FOXO3: variants seen among roughly 807,000 people sequenced by gnomAD.
FOXO3 encodes the protein forkhead box protein O3.
Under a neutral mutation model 41.9 loss-of-function variants are expected in FOXO3, and 4 were observed. The ratio of observed to expected loss-of-function variants is 0.10; its 90% CI spans 0.05 to 0.22. The LOEUF is 0.22. FOXO3 is among the 10% of genes least tolerant of loss of function. FOXO3 has a pLI of 1.00. For synonymous variants in FOXO3, 318 were observed against 389.3 expected (o/e 0.82, Z 2.16); for missense variants, 534 against 906.8 (o/e 0.59, Z 5.28).
At chr6:108,663,054 AC>A (rs1778917948) in intron 1 of FOXO3, among the ~76,000 whole-genome samples, 1 of 152,200 alleles carries the variant, frequency 6.6e-6, no homozygotes, top group South Asian at 2.1e-4. Context: ...ATTTTTTTTA[AC>A]CTTTGAAATT....
chr6:108,590,013 A>G (rs952028828), intron 1 of FOXO3, among the ~76,000 whole-genome samples: 3 of 152,236 alleles, frequency 2.0e-5, no homozygotes, highest in Admixed American at 6.5e-5. Flanking sequence ...CTTAAAGGAT[A>G]TCATGTTCAG....
At chr6:108,610,592 G>T (rs948531127) in intron 1 of FOXO3, among the ~76,000 whole-genome samples, 2 of 152,170 alleles carry the variant, frequency 1.3e-5, no homozygotes, top group Non-Finnish European at 1.5e-5. Flanking sequence ...CAAGTAGATA[G>T]AAGTGATAGG....
chr6:108,644,998 T>A (rs1268290219), intron 1 of FOXO3, among the ~76,000 whole-genome samples: 2 of 152,202 alleles, frequency 1.3e-5, no homozygotes, highest in African/African-American at 4.8e-5. Context: ...GCCTGGTGCA[T>A]GGAAGGACCT....
intron 1 of FOXO3, among the ~76,000 whole-genome samples, chr6:108,575,123 C>G (rs974336276): frequency 2.6e-5 from 4 of 152,168 alleles, no homozygotes; most frequent in African/African-American, 9.7e-5. Context: ...TCCTTGAAAA[C>G]TGGTTCTCTC....
intron 1 of FOXO3, among the ~76,000 whole-genome samples, chr6:108,617,594 C>T (rs1204073668): frequency 1.3e-5 from 2 of 152,006 alleles, no homozygotes; most frequent in African/African-American, 4.8e-5. Context: ...GAAAATTCTC[C>T]AGTTGAACAA....
intron 1 of FOXO3, among the ~76,000 whole-genome samples, chr6:108,614,334 A>G (rs1028981431): frequency 6.6e-6 from 1 of 152,134 alleles, no homozygotes; most frequent in Non-Finnish European, 1.5e-5. Context: ...ATTTTGCTTC[A>G]TGTTTTTAAC....
chr6:108,639,637 C>G (rs9486913), intron 1 of FOXO3: 157,860 of 883,824 alleles, frequency 0.18, 13,881 homozygotes, highest in African/African-American at 0.29. Flanking sequence ...TTGAGCTTAG[C>G]CCAAACCTCC....
chr6:108,581,552 A>G (rs555136310), intron 1 of FOXO3, among the ~76,000 whole-genome samples: 1 of 152,130 alleles, frequency 6.6e-6, no homozygotes. Context: ...ATTTACTTTC[A>G]GTTTCAGTCA....
chr6:108,643,688 G>A (rs1778321549), intron 1 of FOXO3, among the ~76,000 whole-genome samples: 1 of 152,140 alleles, frequency 6.6e-6, no homozygotes, highest in African/African-American at 2.4e-5. Context: ...AAGAATGATT[G>A]GTGTGTTTTG....
chr6:108,628,423 A>G (rs926229187), intron 1 of FOXO3, among the ~76,000 whole-genome samples: 1 of 152,234 alleles, frequency 6.6e-6, no homozygotes, highest in African/African-American at 2.4e-5. Flanking sequence ...GAGATAAAGC[A>G]TGAGCTCAGC....
intron 1 of FOXO3, among the ~76,000 whole-genome samples, chr6:108,593,824 C>G (rs968555258): frequency 1.5e-5 from 2 of 136,062 alleles, no homozygotes; most frequent in African/African-American, 5.6e-5. Context: ...TCAAGTGATT[C>G]TCCTGCCTCA....
Position 108,660,217 on chromosome 6 carries a change from G to A in FOXO3, c.622-3238G>A, listed in dbSNP as rs532393289. Among the ~76,000 whole-genome samples, 10 of 152,232 alleles carry A rather than the reference G, an allele frequency of 6.6e-5. No individual in the cohort carries two copies. The East Asian group carries it at 1.5e-3, about 24-fold the overall frequency. On this transcript the variant is annotated intron_variant, in intron 1 of 2. Transcript: ENST00000406360. ...ATTGTAGATCCACCTGTACTTGCCT[G>A]CTTTCTGAACACTGCAGAGTACATG...
chr6:108,664,419 T>C lies in FOXO3; in HGVS notation c.1586T>C (p.Val529Ala). The C allele has an allele frequency of 6.2e-7, 1 of 1,613,692 alleles. No homozygotes were observed. The highest frequency in any genetic ancestry group is 8.5e-7 in the Non-Finnish European group (1 of 1,179,818). ...GCCCAGCCTAACCAGGGAAGTTTGGTCAATCAGAACTTGCTCCACCACCAG... is the reference window on the plus strand; with the variant it reads ...GCCCAGCCTAACCAGGGAAGTTTGGCCAATCAGAACTTGCTCCACCACCAG... Reference protein sequence around the residue: ...FAAQPNQGSLVNQNLLHHQHQ... With the variant: ...FAAQPNQGSLANQNLLHHQHQ... The change falls in exon 2 of 3, where the codon GTC (valine) becomes GCC (alanine). Residue 529 changes from valine (V) to alanine (A), a missense_variant. By Grantham distance (64) the Val-to-Ala change is moderately conservative (BLOSUM62 0). This residue lies in a region of FOXO3 where 94 missense variants were observed against 214.4 expected (regional missense o/e 0.44). Coordinates refer to ENST00000406360, the MANE Select transcript of FOXO3 (RefSeq NM_001455.4).
Position 108,682,313 on chromosome 6 carries a change from G to A in FOXO3, c.*2521G>A, listed in dbSNP as rs1381319266. The A allele has an allele frequency of 6.6e-6, 1 of 152,640 alleles. No homozygotes were observed. The highest frequency in any genetic ancestry group is 2.4e-5 in the African/African-American group (1 of 41,442). 9.5% of individuals were successfully genotyped at this position (152,640 alleles called of 1,614,324 possible). A position where few individuals can be genotyped will look rare whatever the true frequency, so the allele number is the denominator to read the frequency against. On this transcript the variant is annotated 3_prime_UTR_variant, in exon 3 of 3. Coordinates refer to ENST00000406360, the MANE Select transcript of FOXO3 (RefSeq NM_001455.4). ...TTTAATCTGAAACAGCTGAGGAAGGGACAGAGAAGGTACAAGGGCAAGGCA... is the reference window on the plus strand; with the variant it reads ...TTTAATCTGAAACAGCTGAGGAAGGAACAGAGAAGGTACAAGGGCAAGGCA...
chr6:108,658,859 T>C (rs1232347652), intron 1 of FOXO3, among the ~76,000 whole-genome samples: 1 of 152,036 alleles, frequency 6.6e-6, no homozygotes, highest in Non-Finnish European at 1.5e-5. Flanking sequence ...CTTTTTTTTG[T>C]TTGCTTTTTG....
chr6:108,623,228 G>A (rs925390682), intron 1 of FOXO3, among the ~76,000 whole-genome samples: 1 of 152,180 alleles, frequency 6.6e-6, no homozygotes, highest in Non-Finnish European at 1.5e-5. Flanking sequence ...AGCCGTAGTC[G>A]TCTCAGGAGC....
chr6:108,567,970 C>T (rs1775990122), intron 1 of FOXO3, among the ~76,000 whole-genome samples: 1 of 152,088 alleles, frequency 6.6e-6, no homozygotes, highest in Non-Finnish European at 1.5e-5. Context: ...ATTGCTTGAA[C>T]CTGGGAGGCG....
chr6:108,675,752 A>C (rs531285556), intron 2 of FOXO3, among the ~76,000 whole-genome samples: 5 of 152,268 alleles, frequency 3.3e-5, no homozygotes, highest in Non-Finnish European at 5.9e-5. Flanking sequence ...GGATTTGTGA[A>C]TGTGAAGGTT....
At chr6:108,625,933 A>T (rs915975524) in intron 1 of FOXO3, among the ~76,000 whole-genome samples, 2 of 152,216 alleles carry the variant, frequency 1.3e-5, no homozygotes, top group Non-Finnish European at 2.9e-5. Flanking sequence ...AAGCCAGAGC[A>T]CTTTGACTTA....
Sources: allele counts gnomAD v4.1 joint callset (sites outside exome capture counted in the v4.1 genomes callset), GRCh38; gene constraint gnomAD v4.1.1; regional missense constraint gnomAD v4.1.1; transcripts MANE v1.5; gene names NCBI Gene and HGNC (gene_info 2026-07-23, HGNC 2026-07-21).